The following MAST4 variants were observed in gnomAD, a reference collection of about 807,000 sequenced individuals.
The protein encoded by MAST4 is microtubule associated serine/threonine kinase family member 4, also known as microtubule-associated serine/threonine-protein kinase 4.
MAST4 carries 89 observed loss-of-function variants against 162.7 expected under a neutral mutation model. The observed-to-expected ratio is 0.55, with a 90% CI of 0.46 to 0.65. The LOEUF is 0.65. MAST4 is among the 30% of genes least tolerant of loss of function. The pLI, the probability that MAST4 is intolerant of heterozygous loss-of-function variation, is 0.00. For missense variants in MAST4, 3,153 were observed against 3,374.0 expected (o/e 0.93, Z 1.62); for synonymous variants, 1,479 against 1,361.1 (o/e 1.09, Z -1.91).
intron 2 of MAST4, among the ~76,000 whole-genome samples, chr5:66,781,310 G>C (rs2149660804): frequency 6.6e-6 from 1 of 152,320 alleles, no homozygotes; most frequent in Admixed American, 6.5e-5. Context: ...AACTTTCTGG[G>C]AGCTGCTCTG....
chr5:67,144,286 C>T (rs560251012), intron 21 of MAST4, among the ~76,000 whole-genome samples: 1 of 152,198 alleles, frequency 6.6e-6, no homozygotes, highest in Non-Finnish European at 1.5e-5. Flanking sequence ...ATCTGTTTCT[C>T]TGTTATTTTC....
intron 4 of MAST4, among the ~76,000 whole-genome samples, chr5:66,991,983 C>A (rs1163556094): frequency 6.6e-6 from 1 of 152,196 alleles, no homozygotes; most frequent in Non-Finnish European, 1.5e-5. Flanking sequence ...CAGATACAGT[C>A]ATGGAGCAAG....
At chr5:66,760,305 G>A (rs1229890943) in intron 2 of MAST4, among the ~76,000 whole-genome samples, 4 of 151,764 alleles carry the variant, frequency 2.6e-5, no homozygotes, top group Non-Finnish European at 4.4e-5. Context: ...TATTGGAGAC[G>A]GGGTTTCACC....
chr5:66,668,462 C>T lies in MAST4; in HGVS notation c.363+71444C>T, dbSNP rs192214393. Among the ~76,000 whole-genome samples, 9 of 152,222 alleles carry T rather than the reference C, an allele frequency of 5.9e-5. No individual in the cohort carries two copies. In the East Asian group the frequency reaches 1.7e-3, roughly 29 times the overall value. On this transcript the variant is annotated intron_variant, in intron 1 of 28. Coordinates refer to ENST00000403625, the MANE Select transcript of MAST4 (RefSeq NM_001164664.2). ...TTCTGCCTCAGTTGGTAATTTGTAT[C>T]CATTTAAGAAGGGAGTCTAGAGTGG...
intron 11 of MAST4, among the ~76,000 whole-genome samples, chr5:67,112,537 C>G (rs1355450939): frequency 1.3e-5 from 2 of 152,186 alleles, no homozygotes; most frequent in African/African-American, 4.8e-5. Flanking sequence ...CTTATGACCC[C>G]TTCTCTGGGT....
At chr5:67,100,380 A>C in intron 7 of MAST4, 55 bp from the exon 8 acceptor site, 6 of 1,584,372 alleles carry the variant, frequency 3.8e-6, no homozygotes, top group Non-Finnish European at 5.2e-6. Context: ...TCTCCTGTTC[A>C]TTTGAAGAGT....
intron 3 of MAST4, among the ~76,000 whole-genome samples, chr5:66,882,674 C>G (rs917038049): frequency 6.6e-6 from 1 of 152,018 alleles, no homozygotes; most frequent in East Asian, 1.9e-4. Flanking sequence ...CTTTAGCATA[C>G]TTTTTAGTCT....
intron 26 of MAST4, among the ~76,000 whole-genome samples, chr5:67,159,250 G>A (rs1352391229): frequency 6.6e-6 from 1 of 152,142 alleles, no homozygotes; most frequent in African/African-American, 2.4e-5. Flanking sequence ...TAAAGCATGT[G>A]TACATATGTG....
intron 4 of MAST4, among the ~76,000 whole-genome samples, chr5:66,974,964 C>T (rs1747944593): frequency 1.3e-5 from 2 of 152,128 alleles, no homozygotes. Context: ...AGGTTCTAAC[C>T]TCTGAAACCT....
chr5:66,900,688 TGAA>T (rs1333904188), intron 4 of MAST4, among the ~76,000 whole-genome samples: 2 of 151,082 alleles, frequency 1.3e-5, no homozygotes, highest in African/African-American at 2.4e-5. Flanking sequence ...TGATTTAAGT[TGAA>T]GAAGTTAGTA....
intron 3 of MAST4, among the ~76,000 whole-genome samples, chr5:66,876,851 C>A (rs1252402350): frequency 1.3e-5 from 2 of 152,086 alleles, no homozygotes; most frequent in South Asian, 4.2e-4. Flanking sequence ...CATAGAGTAC[C>A]ATTTAGCCAT....
At chr5:66,888,297 T>C (rs1488396202) in intron 3 of MAST4, among the ~76,000 whole-genome samples, 1 of 152,208 alleles carries the variant, frequency 6.6e-6, no homozygotes, top group Non-Finnish European at 1.5e-5. Flanking sequence ...AGTGTTGTTT[T>C]TGCATTTAGA....
chr5:66,635,838 G>C (rs1299170403), intron 1 of MAST4, among the ~76,000 whole-genome samples: 1 of 151,330 alleles, frequency 6.6e-6, no homozygotes, highest in Admixed American at 6.6e-5. Context: ...GCAAAGTCTG[G>C]CATGTGTACA....
intron 13 of MAST4, 139 bp from the exon 14 acceptor site, chr5:67,120,878 T>C: frequency 1.7e-6 from 1 of 602,298 alleles, no homozygotes; most frequent in Non-Finnish European, 2.9e-6. Context: ...TGTAAAGCTA[T>C]CCCTCAGGTT....
chr5:66,941,746 A>G (rs6898955), intron 4 of MAST4, among the ~76,000 whole-genome samples: 11,247 of 152,146 alleles, frequency 0.074, 1,302 homozygotes, highest in African/African-American at 0.25. Context: ...CTCATGAAAC[A>G]TAATCGTTTT....
At chr5:67,053,198 A>T (rs6890000) in intron 4 of MAST4, among the ~76,000 whole-genome samples, 4,212 of 152,286 alleles carry the variant, frequency 0.028, 163 homozygotes, top group African/African-American at 0.083. Flanking sequence ...TAAATATGGG[A>T]CTGTTGACAA....
chr5:66,653,426 T>C (rs555349775), intron 1 of MAST4, among the ~76,000 whole-genome samples: 1 of 152,218 alleles, frequency 6.6e-6, no homozygotes, highest in African/African-American at 2.4e-5. Context: ...CTGTAACTGC[T>C]GGGCCAGCCC....
intron 1 of MAST4, among the ~76,000 whole-genome samples, chr5:66,683,471 G>A (rs1056427898): frequency 6.6e-6 from 1 of 152,158 alleles, no homozygotes; most frequent in African/African-American, 2.4e-5. Context: ...CCATAGTGCT[G>A]TTTTTACACG....
chr5:66,780,269 A>G (rs1178475866), intron 2 of MAST4, among the ~76,000 whole-genome samples: 1 of 152,158 alleles, frequency 6.6e-6, no homozygotes, highest in African/African-American at 2.4e-5. Context: ...TTTCTATGAA[A>G]GAATGCATTT....
Sources: gnomAD v4.1 joint callset for allele counts (sites outside exome capture counted in the v4.1 genomes callset) on GRCh38, gnomAD v4.1.1 for gene constraint, MANE v1.5 for transcripts, NCBI Gene and HGNC (gene_info 2026-07-23, HGNC 2026-07-21) for gene names.